The following NAALADL2 variants were observed in gnomAD, a reference collection of about 807,000 sequenced individuals.
NAALADL2 encodes inactive N-acetylated-alpha-linked acidic dipeptidase-like protein 2.
Under a neutral mutation model 87.2 loss-of-function variants are expected in NAALADL2, and 76 were observed. That is an observed-to-expected ratio of 0.87 (90% confidence interval 0.72 to 1.05). NAALADL2 has a LOEUF of 1.05. Ranked by LOEUF, NAALADL2 falls within the 50% of genes least tolerant of loss-of-function variation. NAALADL2 has a pLI of 0.00. For missense variants in NAALADL2, 1,089 were observed against 945.8 expected, an observed-to-expected ratio of 1.15 and a Z score of -1.99; for synonymous variants, 354 against 331.0, an observed-to-expected ratio of 1.07 and a Z score of -0.75.
intron 1 of NAALADL2, among the ~76,000 whole-genome samples, chr3:174,919,778 C>T (rs1276434109): frequency 1.3e-5 from 2 of 152,178 alleles, no homozygotes; most frequent in South Asian, 2.1e-4. Flanking sequence ...AGAGGAATCC[C>T]TCTCTGGCAG....
intron 11 of NAALADL2, among the ~76,000 whole-genome samples, chr3:175,664,466 G>A (rs1732686979): frequency 6.6e-6 from 1 of 152,080 alleles, no homozygotes; most frequent in African/African-American, 2.4e-5. Flanking sequence ...TTGTAGTAGA[G>A]AAGCCATTCT....
intron 1 of NAALADL2, among the ~76,000 whole-genome samples, chr3:175,047,577 G>A (rs1754839123): frequency 6.6e-6 from 1 of 151,976 alleles, no homozygotes; most frequent in African/African-American, 2.4e-5. Flanking sequence ...CCAATAAAAT[G>A]CTAAAATAAG....
intron 1 of NAALADL2, among the ~76,000 whole-genome samples, chr3:174,892,150 TCAATATC>T (rs1730932339): frequency 6.6e-6 from 1 of 152,104 alleles, no homozygotes; most frequent in African/African-American, 2.4e-5. Context: ...ACCTAACTCT[TCAATATC>T]CAGACACTGA....
chr3:175,517,418 A>T (rs1205170617), intron 9 of NAALADL2, among the ~76,000 whole-genome samples: 1 of 152,112 alleles, frequency 6.6e-6, no homozygotes, highest in East Asian at 1.9e-4. Context: ...TTTAGAAAAT[A>T]TTTTTTCTTA....
At chr3:175,169,462 T>A (rs1480336442) in intron 2 of NAALADL2, among the ~76,000 whole-genome samples, 2 of 150,816 alleles carry the variant, frequency 1.3e-5, no homozygotes, top group Admixed American at 1.3e-4. Context: ...TAAGAATATA[T>A]ATATATATAT....
intron 11 of NAALADL2, among the ~76,000 whole-genome samples, chr3:175,659,818 T>A (rs774038311): frequency 2.0e-5 from 3 of 152,104 alleles, no homozygotes; most frequent in Non-Finnish European, 4.4e-5. Flanking sequence ...TACATATCAT[T>A]TGGGTTCTTT....
chr3:175,729,593 G>C (rs1453621895), intron 11 of NAALADL2, among the ~76,000 whole-genome samples: 1 of 152,108 alleles, frequency 6.6e-6, no homozygotes, highest in South Asian at 2.1e-4. Flanking sequence ...CAATCCAGCT[G>C]TTTCTGTACC....
chr3:175,183,606 G>C (rs1453262688), intron 2 of NAALADL2, among the ~76,000 whole-genome samples: 1 of 151,732 alleles, frequency 6.6e-6, no homozygotes, highest in Non-Finnish European at 1.5e-5. Flanking sequence ...TTTTTGTCTT[G>C]CATTTGTTAA....
chr3:175,353,239 G>C (rs1306231232), intron 5 of NAALADL2, among the ~76,000 whole-genome samples: 1 of 151,820 alleles, frequency 6.6e-6, no homozygotes, highest in Admixed American at 6.6e-5. Context: ...GAGTGTGATG[G>C]CATGCACCAG....
intron 1 of NAALADL2, among the ~76,000 whole-genome samples, chr3:175,043,599 G>A (rs866798804): frequency 7.9e-5 from 12 of 152,126 alleles, no homozygotes; most frequent in Middle Eastern, 3.4e-3. Flanking sequence ...TTTACATGTG[G>A]ATATCTGTTT....
chr3:174,899,302 T>A (rs1270746894), intron 1 of NAALADL2, among the ~76,000 whole-genome samples: 1 of 152,100 alleles, frequency 6.6e-6, no homozygotes, highest in African/African-American at 2.4e-5. Flanking sequence ...AGATAATTAT[T>A]TGCATATGAT....
At chr3:174,899,406 G>A (rs145499504) in intron 1 of NAALADL2, among the ~76,000 whole-genome samples, 22 of 152,216 alleles carry the variant, frequency 1.4e-4, no homozygotes, top group African/African-American at 5.3e-4. Context: ...TGGATCATGG[G>A]GGCCAATGTC....
chr3:175,721,417 G>T (rs939798709), intron 11 of NAALADL2, among the ~76,000 whole-genome samples: 1 of 152,006 alleles, frequency 6.6e-6, no homozygotes, highest in African/African-American at 2.4e-5. Flanking sequence ...AAAATTCTCA[G>T]ACTGGATTTT....
intron 2 of NAALADL2, among the ~76,000 whole-genome samples, chr3:175,206,915 T>G (rs1741019727): frequency 6.6e-6 from 1 of 152,034 alleles, no homozygotes; most frequent in East Asian, 1.9e-4. Context: ...ATTGAACTCA[T>G]GATTATTGAG....
intron 4 of NAALADL2, among the ~76,000 whole-genome samples, chr3:175,258,669 A>G (rs1750495649): frequency 6.6e-6 from 1 of 152,060 alleles, no homozygotes; most frequent in Non-Finnish European, 1.5e-5. Context: ...TTTTGGAGAG[A>G]TTTATGATAA....
chr3:175,412,265 G>C (rs552782531), intron 5 of NAALADL2, among the ~76,000 whole-genome samples: 2 of 152,082 alleles, frequency 1.3e-5, no homozygotes, highest in East Asian at 1.9e-4. Flanking sequence ...GTATGTGCAC[G>C]TGCACGCGTA....
In NAALADL2 at chr3:174,809,237, G is replaced by T. The variant is rs569759718; in HGVS notation, c.-9+71491G>T. On this transcript the variant is annotated intron_variant, in intron 3 of 3. Coordinates refer to the NAALADL2 transcript ENST00000434257. ...TAGAAACAGTACTGGGGATATATAC[G>T]CAGGCTCCATATGCTTTGGAGGTAT... Among the ~76,000 whole-genome samples the T allele has an allele frequency of 3.3e-5, 5 of 152,216 alleles. No individual in the cohort carries two copies. In the South Asian group the frequency reaches 1.0e-3, roughly 32 times the overall value.
At chr3:175,744,986 C>A (rs7637270) in intron 12 of NAALADL2, among the ~76,000 whole-genome samples, 1 of 151,428 alleles carries the variant, frequency 6.6e-6, no homozygotes. Flanking sequence ...AAGGCTGAAC[C>A]AGAAAATACT....
intron 3 of NAALADL2, among the ~76,000 whole-genome samples, chr3:174,804,527 G>A (rs1319860221): frequency 1.3e-5 from 2 of 152,092 alleles, no homozygotes; most frequent in East Asian, 1.9e-4. Flanking sequence ...GTGAGAGAGG[G>A]CATCCTTGTC....
Sources: gnomAD v4.1 joint callset for allele counts (sites outside exome capture counted in the v4.1 genomes callset) on GRCh38, gnomAD v4.1.1 for gene constraint, MANE v1.5 for transcripts, NCBI Gene and HGNC (gene_info 2026-07-23, HGNC 2026-07-21) for gene names.